Variants in SYN2 observed in about 807,000 individuals in gnomAD.
SYN2 encodes the protein synapsin-2.
Under a neutral mutation model 50.9 loss-of-function variants are expected in SYN2, and 19 were observed. That is an observed-to-expected ratio of 0.37 (90% CI 0.26 to 0.55). SYN2 has a LOEUF of 0.55. Ranked by LOEUF, SYN2 falls within the 20% of genes least tolerant of loss-of-function variation. SYN2 has a pLI of 0.81. For missense variants in SYN2, 587 were observed against 576.4 expected (o/e 1.02, Z -0.19); for synonymous variants, 255 against 224.9 (o/e 1.13, Z -1.20).
At chr3:12,156,998 C>T in intron 5 of SYN2, 3 of 1,183,678 alleles carry the variant, frequency 2.5e-6, no homozygotes, top group South Asian at 1.4e-5. Context: ...TATTAACAGA[C>T]AAAAACCTCT....
At chr3:12,160,314 G>A (rs1344884331) in intron 5 of SYN2, among the ~76,000 whole-genome samples, 6 of 152,230 alleles carry the variant, frequency 3.9e-5, no homozygotes, top group East Asian at 1.9e-4. Flanking sequence ...GTTGAACTAC[G>A]TGATTTCTAA....
intron 1 of SYN2, among the ~76,000 whole-genome samples, chr3:12,025,373 T>G (rs1694235161): frequency 6.6e-6 from 1 of 152,230 alleles, no homozygotes; most frequent in South Asian, 2.1e-4. Context: ...TAGAGAAGGC[T>G]GTACCTAACA....
intron 1 of SYN2, among the ~76,000 whole-genome samples, chr3:12,133,593 T>C (rs773460691): frequency 6.4e-4 from 97 of 152,212 alleles, no homozygotes; most frequent in Non-Finnish European, 1.3e-3. Context: ...TGCTGTGCAA[T>C]AGGTATTGGC....
intron 1 of SYN2, among the ~76,000 whole-genome samples, chr3:12,077,840 A>ATCCTT (rs1206231898): frequency 2.1e-4 from 32 of 152,252 alleles, no homozygotes; most frequent in African/African-American, 7.5e-4. Flanking sequence ...ATACCCAGTA[A>ATCCTT]TGGGATTGCT....
chr3:12,058,498 C>G (rs1448251327), intron 1 of SYN2, among the ~76,000 whole-genome samples: 1 of 152,192 alleles, frequency 6.6e-6, no homozygotes, highest in African/African-American at 2.4e-5. Context: ...CTGAAGCAAA[C>G]TGTTCCTTCC....
chr3:12,011,183 CA>C (rs1227777363), intron 1 of SYN2, among the ~76,000 whole-genome samples: 1 of 152,124 alleles, frequency 6.6e-6, no homozygotes, highest in Non-Finnish European at 1.5e-5. Context: ...TGAATAATTT[CA>C]AAAACAGTGG....
At chr3:12,142,590 A>G (rs1314854725) in intron 3 of SYN2, among the ~76,000 whole-genome samples, 2 of 152,312 alleles carry the variant, frequency 1.3e-5, no homozygotes, top group Middle Eastern at 6.8e-3. Flanking sequence ...GAGCACTTAC[A>G]TGCCAGGTGG....
chr3:12,040,430 C>CT (rs34991752), intron 1 of SYN2, among the ~76,000 whole-genome samples: 15,229 of 109,128 alleles, frequency 0.14, 1,271 homozygotes, highest in East Asian at 0.24. Flanking sequence ...AGTTCTGTTT[C>CT]TTTTTTTTTT....
intron 5 of SYN2, among the ~76,000 whole-genome samples, chr3:12,159,926 C>A (rs1697599585): frequency 6.6e-6 from 1 of 151,638 alleles, no homozygotes; most frequent in South Asian, 2.1e-4. Flanking sequence ...ACCTGTAGTC[C>A]CAGGTACTCA....
At chr3:12,090,876 T>G (rs1695810745) in intron 1 of SYN2, among the ~76,000 whole-genome samples, 1 of 152,216 alleles carries the variant, frequency 6.6e-6, no homozygotes, top group African/African-American at 2.4e-5. Context: ...AGCATAGCAC[T>G]AAATGGTTTG....
chr3:12,154,379 A>G, intron 5 of SYN2: 3 of 1,614,236 alleles, frequency 1.9e-6, no homozygotes, highest in Non-Finnish European at 2.5e-6. Context: ...CCTCTGCACC[A>G]AGGACAGGTC....
At chr3:12,048,374 G>T (rs1401432933) in intron 1 of SYN2, among the ~76,000 whole-genome samples, 1 of 152,104 alleles carries the variant, frequency 6.6e-6, no homozygotes, top group African/African-American at 2.4e-5. Flanking sequence ...TGCCATGTTG[G>T]CCAGGCTGGT....
intron 1 of SYN2, among the ~76,000 whole-genome samples, chr3:12,103,756 C>T (rs770173697): frequency 3.3e-5 from 5 of 152,078 alleles, no homozygotes; most frequent in Admixed American, 3.3e-4. Flanking sequence ...TATAAAACTT[C>T]CAAATCAGTC....
chr3:12,104,145 G>A (rs1696130832), intron 1 of SYN2, among the ~76,000 whole-genome samples: 1 of 152,002 alleles, frequency 6.6e-6, no homozygotes, highest in South Asian at 2.1e-4. Flanking sequence ...ATTTATTTAT[G>A]TTTTAGAGAC....
chr3:12,112,878 G>C (rs160209), intron 1 of SYN2, among the ~76,000 whole-genome samples: 1 of 151,950 alleles, frequency 6.6e-6, no homozygotes, highest in South Asian at 2.1e-4. Flanking sequence ...TATAATTGTG[G>C]TACAAGTAGT....
intron 1 of SYN2, among the ~76,000 whole-genome samples, chr3:12,050,535 G>A (rs935709132): frequency 4.6e-5 from 7 of 151,014 alleles, no homozygotes; most frequent in African/African-American, 1.7e-4. Context: ...TAGTAGACAT[G>A]GGGTTTCACC....
intron 10 of SYN2, among the ~76,000 whole-genome samples, chr3:12,176,717 T>C (rs1163476643): frequency 6.6e-6 from 1 of 152,156 alleles, no homozygotes; most frequent in Non-Finnish European, 1.5e-5. Context: ...GGCAAATCTA[T>C]GTTATGAGTA....
chr3:12,079,315 C>G (rs544417654), intron 1 of SYN2, among the ~76,000 whole-genome samples: 18 of 152,242 alleles, frequency 1.2e-4, no homozygotes, highest in Non-Finnish European at 1.8e-4. Flanking sequence ...CCTGATTGCC[C>G]TGGCCAGAAC....
At chr3:12,117,866 A>C (rs1018520931) in intron 1 of SYN2, among the ~76,000 whole-genome samples, 2 of 152,140 alleles carry the variant, frequency 1.3e-5, no homozygotes, top group African/African-American at 2.4e-5. Flanking sequence ...ATATCTTCCT[A>C]TCTTGGCCCT....
Sources: allele counts gnomAD v4.1 joint callset (sites outside exome capture counted in the v4.1 genomes callset), GRCh38; gene constraint gnomAD v4.1.1; transcripts MANE v1.5; gene names NCBI Gene and HGNC (gene_info 2026-07-23, HGNC 2026-07-21).